Variants in ARHGEF11 observed in about 807,000 individuals in gnomAD.
ARHGEF11 encodes the protein Rho guanine exchange factor (GEF) 11.
Under a neutral mutation model 193.7 loss-of-function variants are expected in ARHGEF11, and 55 were observed. The ratio of observed to expected loss-of-function variants is 0.28; its 90% CI spans 0.23 to 0.36. The LOEUF (loss-of-function observed/expected upper bound fraction) is 0.36. ARHGEF11 is among the 10% of genes least tolerant of loss of function. The probability of loss-of-function intolerance (pLI) is 1.00; values close to 1 mark genes in which losing one functional copy is unlikely to be tolerated. For synonymous variants in ARHGEF11, 693 were observed against 768.0 expected (o/e 0.90, Z 1.62); for missense variants, 1,723 against 2,005.6 (o/e 0.86, Z 2.69).
Position 156,958,839 on chromosome 1 carries a change from T to C in ARHGEF11, c.1405A>G (p.Ser469Gly). The change falls in exon 17 of 41, where the codon AGC becomes GGC. Residue 469 changes from serine (S) to glycine (G), a missense_variant. By Grantham distance (56) the Ser-to-Gly change is moderately conservative. Transcript: ENST00000368194. ...YRTKRTLGLG[S>G]LYGENDLLDL... ...AGCAGGTCATTTTCACCATACAGGC[T>C]GCCCAGCCCCAGTGTGCGCTTCGTT... The C allele has an allele frequency of 6.2e-7, 1 of 1,614,220 alleles. No homozygotes were observed. The highest frequency in any genetic ancestry group is 8.5e-7 in the Non-Finnish European group (1 of 1,180,032).
chr1:156,979,151 C>A, intron 5 of ARHGEF11, 78 bp downstream of exon 5: 2 of 1,386,832 alleles, frequency 1.4e-6, no homozygotes, highest in South Asian at 2.3e-5. Context: ...GAATGCCAGG[C>A]CTGACCTTTC....
At chr1:156,961,267 T>G (rs373232571) in intron 14 of ARHGEF11, among the ~76,000 whole-genome samples, 1 of 152,180 alleles carries the variant, frequency 6.6e-6, no homozygotes, top group Non-Finnish European at 1.5e-5. Context: ...TGGGCAGTAA[T>G]AGCAACTCAG....
chr1:156,951,616 G>C lies in ARHGEF11; in HGVS notation c.1882C>G (p.Leu628Val), dbSNP rs767186090. The change falls in exon 22 of 41, where the codon CTC becomes GTC. Residue 628 changes from leucine to valine, a missense_variant. By Grantham distance (32) the Leu-to-Val change is conservative. Coordinates refer to ENST00000368194, the MANE Select transcript of ARHGEF11 (RefSeq NM_198236.3). ...YDAPEPGTQR[L>V]STGSFPEDLL... ...TCCTCAGGAAAGCTTCCGGTCGAGA[G>C]TCGTTGTGTCCCAGGTTCTGGGGCA... 1.2e-6 allele frequency: 2 copies of C among 1,614,118 alleles called. No individual in the cohort carries two copies. The highest frequency in any genetic ancestry group is 2.7e-5 in the African/African-American group (2 of 74,938).
intron 1 of ARHGEF11, among the ~76,000 whole-genome samples, chr1:156,987,151 T>C (rs1293971102): frequency 5.3e-5 from 8 of 152,230 alleles, no homozygotes; most frequent in Non-Finnish European, 1.0e-4. Flanking sequence ...CCTGAATCAA[T>C]AGTTGCTGCC....
intron 1 of ARHGEF11, among the ~76,000 whole-genome samples, chr1:157,027,729 T>A (rs1001285517): frequency 1.3e-5 from 2 of 152,182 alleles, no homozygotes; most frequent in East Asian, 1.9e-4. Flanking sequence ...AGAGTCTATG[T>A]CTTCTCCCCT....
At chr1:157,024,961 C>T (rs1192929977) in intron 1 of ARHGEF11, among the ~76,000 whole-genome samples, 1 of 152,196 alleles carries the variant, frequency 6.6e-6, no homozygotes, top group Non-Finnish European at 1.5e-5. Context: ...CCTCTGGCAC[C>T]TGGAATGACT....
At chr1:157,032,569 C>A (rs1053771738) in intron 1 of ARHGEF11, among the ~76,000 whole-genome samples, 1 of 152,174 alleles carries the variant, frequency 6.6e-6, no homozygotes, top group Non-Finnish European at 1.5e-5. Flanking sequence ...AACCTCTGAC[C>A]TAGGGCAATA....
At chr1:157,034,620 C>T (rs914255127) in intron 1 of ARHGEF11, among the ~76,000 whole-genome samples, 4 of 152,052 alleles carry the variant, frequency 2.6e-5, no homozygotes, top group South Asian at 4.2e-4. Flanking sequence ...GAGCTGTGTT[C>T]GAGTCAGGAA....
At position 156,936,758 on chromosome 1, in the gene ARHGEF11, C is replaced by T. The variant is rs182515234; in HGVS notation, c.4630+58G>A. Reference sequence around the variant, plus strand: ...CTCACTGCTTAGTGATGTGTCCTCACGAGTTGGCAGACTTCTCCCCCAATG... The same window carrying T: ...CTCACTGCTTAGTGATGTGTCCTCATGAGTTGGCAGACTTCTCCCCCAATG... On this transcript the variant is annotated intron_variant, in intron 40 of 40. Coordinates refer to ENST00000368194, the MANE Select transcript of ARHGEF11 (RefSeq NM_198236.3). 9,071 of 1,560,578 alleles carry T rather than the reference C, an allele frequency of 5.8e-3. 42 individuals carry two copies. Among genetic ancestry groups the T allele is most frequent in the Non-Finnish European group, 7.0e-3 (8,085 of 1,149,140 alleles).
chr1:156,972,679 T>C (rs879847891), intron 7 of ARHGEF11, among the ~76,000 whole-genome samples: 2 of 152,240 alleles, frequency 1.3e-5, no homozygotes, highest in African/African-American at 2.4e-5. Flanking sequence ...ATATTTCATC[T>C]TCTCCATGCC....
At chr1:156,942,546 G>T in intron 33 of ARHGEF11, 144 bp downstream of exon 33, 1 of 689,012 alleles carries the variant, frequency 1.5e-6, no homozygotes, top group Non-Finnish European at 2.5e-6. Context: ...CTCTACTTCT[G>T]TCCTACCTCC....
chr1:156,960,584 C>T (rs1442812557), intron 14 of ARHGEF11, 124 bp from the exon 15 acceptor site: 3 of 781,298 alleles, frequency 3.8e-6, no homozygotes, highest in Non-Finnish European at 6.3e-6. Flanking sequence ...ATCTGCCTAC[C>T]ATCCTTCTCA....
At chr1:156,945,820 GTGGCCTTCGA>G (rs1658002081) in intron 29 of ARHGEF11, 1 of 473,166 alleles carries the variant, frequency 2.1e-6, no homozygotes, top group Non-Finnish European at 3.8e-6. Flanking sequence ...GCCCACACAG[GTGGCCTTCGA>G]TGGTGGCCCC....
chr1:157,000,919 G>GTCC (rs1232085024), intron 1 of ARHGEF11, among the ~76,000 whole-genome samples: 1 of 152,198 alleles, frequency 6.6e-6, no homozygotes, highest in East Asian at 1.9e-4. Context: ...TTCCTGGCTG[G>GTCC]TGACTTCAGG....
rs1663742362 is a variant in ARHGEF11 at position 156,979,269 on chromosome 1, C to G, written c.291G>C (p.Val97=). The change falls in exon 5 of 41, where the codon GTG becomes GTC. Residue 97 remains valine (V), a synonymous_variant. Transcript: ENST00000368194. Reference sequence around the variant, plus strand: ...CCACTTCCAGGTGTGAGCTATTGGTCACCATGGTGCCGTTGACCTGTTGGA... The same window carrying G: ...CCACTTCCAGGTGTGAGCTATTGGTGACCATGGTGCCGTTGACCTGTTGGA... ...DRIIKVNGTM[V]TNSSHLEVVK... 3 of 1,613,958 alleles carry G rather than the reference C, an allele frequency of 1.9e-6. No individual in the cohort carries two copies. The highest frequency in any genetic ancestry group is 1.7e-6 in the Non-Finnish European group (2 of 1,179,952).
At chr1:157,025,629 A>C (rs1485899906) in intron 1 of ARHGEF11, among the ~76,000 whole-genome samples, 1 of 152,186 alleles carries the variant, frequency 6.6e-6, no homozygotes, top group African/African-American at 2.4e-5. Context: ...CGTGAGATTG[A>C]TGATGACAGT....
At chr1:156,992,624 T>A (rs1665911231) in intron 1 of ARHGEF11, among the ~76,000 whole-genome samples, 1 of 152,182 alleles carries the variant, frequency 6.6e-6, no homozygotes, top group African/African-American at 2.4e-5. Context: ...TGTATATATA[T>A]ATATATTTTA....
intron 1 of ARHGEF11, among the ~76,000 whole-genome samples, chr1:156,991,710 ATTTTTTTTTTT>A (rs57140356): frequency 0.3 from 25,066 of 84,950 alleles, 2,734 homozygotes; most frequent in East Asian, 0.45. Flanking sequence ...TTTCAAGCTT[ATTTTTTTTTTT>A]TTTTTTTTTT....
At chr1:156,984,552 A>C (rs1217725944) in intron 2 of ARHGEF11, 115 bp from the exon 3 acceptor site, 12 of 676,918 alleles carry the variant, frequency 1.8e-5, no homozygotes, top group Non-Finnish European at 2.6e-5. Context: ...GCCTTTTCAC[A>C]CTAAACAAAT....
Sources: gnomAD v4.1 joint callset for allele counts (sites outside exome capture counted in the v4.1 genomes callset) on GRCh38, gnomAD v4.1.1 for gene constraint, MANE v1.5 for transcripts, NCBI Gene and HGNC (gene_info 2026-07-23, HGNC 2026-07-21) for gene names.